The following KCNIP4 variants were observed in gnomAD, a reference collection of about 807,000 sequenced individuals.
KCNIP4 encodes the protein potassium voltage-gated channel interacting protein 4.
A neutral mutation model predicts 34.0 loss-of-function variants in KCNIP4; 12 were observed. The ratio of observed to expected loss-of-function variants is 0.35; its 90% CI spans 0.23 to 0.57. The LOEUF is 0.57. KCNIP4 is among the 20% of genes least tolerant of loss of function. KCNIP4 has a pLI of 0.83. For missense variants in KCNIP4, 238 were observed against 311.7 expected (o/e 0.76, Z 1.78); for synonymous variants, 124 against 102.2 (o/e 1.21, Z -1.29).
intron 8 of KCNIP4, chr4:20,731,679 C>T (rs1007676352): frequency 2.0e-6 from 2 of 985,074 alleles, no homozygotes; most frequent in Non-Finnish European, 2.4e-6. Flanking sequence ...ATGAGTGATG[C>T]TAAGTTTTGG....
chr4:20,954,729 T>C (rs1285471223), intron 1 of KCNIP4, among the ~76,000 whole-genome samples: 2 of 152,168 alleles, frequency 1.3e-5, no homozygotes, highest in Non-Finnish European at 2.9e-5. Flanking sequence ...CCCAGGCGCA[T>C]CCTCAAAATC....
At chr4:21,799,818 G>T (rs1329513084) in intron 1 of KCNIP4, among the ~76,000 whole-genome samples, 1 of 152,088 alleles carries the variant, frequency 6.6e-6, no homozygotes, top group African/African-American at 2.4e-5. Flanking sequence ...ACTCCATGGA[G>T]TAAACTTGAC....
At chr4:21,248,433 C>T (rs1383450346) in intron 1 of KCNIP4, among the ~76,000 whole-genome samples, 2 of 152,108 alleles carry the variant, frequency 1.3e-5, no homozygotes, top group East Asian at 1.9e-4. Context: ...AATCTTCGCA[C>T]GGATTTGCTA....
At chr4:21,208,843 C>T (rs1029088734) in intron 1 of KCNIP4, among the ~76,000 whole-genome samples, 1 of 152,096 alleles carries the variant, frequency 6.6e-6, no homozygotes, top group African/African-American at 2.4e-5. Flanking sequence ...ACAATCATGG[C>T]AGAAAGCAAA....
chr4:21,561,383 G>A (rs12642593), intron 1 of KCNIP4, among the ~76,000 whole-genome samples: 31,314 of 151,830 alleles, frequency 0.21, 3,382 homozygotes, highest in East Asian at 0.31. Flanking sequence ...AGGGAGAACC[G>A]ATTAAAGACT....
At chr4:21,925,157 A>T (rs1415029147) in intron 1 of KCNIP4, among the ~76,000 whole-genome samples, 1 of 152,028 alleles carries the variant, frequency 6.6e-6, no homozygotes, top group Non-Finnish European at 1.5e-5. Context: ...ATACGTATAC[A>T]TGTGCCATGT....
chr4:20,843,793 T>C (rs969934030), intron 3 of KCNIP4, among the ~76,000 whole-genome samples: 11 of 152,290 alleles, frequency 7.2e-5, no homozygotes, highest in African/African-American at 2.6e-4. Context: ...AGCATCTAAA[T>C]GCCACAGAAT....
intron 1 of KCNIP4, among the ~76,000 whole-genome samples, chr4:21,014,822 T>C (rs1201168960): frequency 6.6e-6 from 1 of 152,188 alleles, no homozygotes; most frequent in East Asian, 1.9e-4. Flanking sequence ...TTGTTCATAG[T>C]AGCATTATTC....
intron 1 of KCNIP4, among the ~76,000 whole-genome samples, chr4:21,598,022 G>A (rs970567537): frequency 1.5e-4 from 23 of 152,108 alleles, no homozygotes; most frequent in Admixed American, 4.6e-4. Context: ...AAATTATTTC[G>A]GTACGTCTGA....
intron 1 of KCNIP4, among the ~76,000 whole-genome samples, chr4:21,274,559 A>G (rs1578003491): frequency 6.6e-6 from 1 of 152,340 alleles, no homozygotes; most frequent in Middle Eastern, 3.4e-3. Context: ...GAGAAATTCA[A>G]TTACTACGGA....
intron 1 of KCNIP4, among the ~76,000 whole-genome samples, chr4:21,392,572 C>T (rs933543992): frequency 5.3e-5 from 8 of 152,302 alleles, no homozygotes; most frequent in South Asian, 4.1e-4. Flanking sequence ...GCTTCACAAA[C>T]GCTGTTTGTA....
At chr4:21,938,397 C>T (rs190432710) in intron 1 of KCNIP4, among the ~76,000 whole-genome samples, 3 of 152,236 alleles carry the variant, frequency 2.0e-5, no homozygotes, top group Admixed American at 6.5e-5. Context: ...AAATGATGTT[C>T]AGTATATGTT....
chr4:21,687,085 C>T (rs1335927201), intron 1 of KCNIP4, among the ~76,000 whole-genome samples: 4 of 138,880 alleles, frequency 2.9e-5, no homozygotes, highest in East Asian at 2.2e-4. Context: ...AACCAAACAC[C>T]GCATATTCTC....
intron 1 of KCNIP4, among the ~76,000 whole-genome samples, chr4:21,178,815 C>CTTTT (rs10611485): frequency 1.5e-5 from 2 of 136,774 alleles, no homozygotes; most frequent in African/African-American, 5.4e-5. Flanking sequence ...TAACACCAAA[C>CTTTT]TTTTTTTTTT....
At chr4:21,790,384 A>G (rs915606036) in intron 1 of KCNIP4, among the ~76,000 whole-genome samples, 4 of 152,180 alleles carry the variant, frequency 2.6e-5, no homozygotes, top group African/African-American at 9.7e-5. Context: ...CACTCATTGT[A>G]TCTTGTGTTT....
intron 1 of KCNIP4, among the ~76,000 whole-genome samples, chr4:21,317,126 C>T (rs1713847735): frequency 2.0e-5 from 3 of 152,116 alleles, no homozygotes; most frequent in Non-Finnish European, 2.9e-5. Flanking sequence ...GATATAAATG[C>T]TTGCCATTAG....
intron 1 of KCNIP4, among the ~76,000 whole-genome samples, chr4:21,155,298 T>C (rs890511066): frequency 6.6e-6 from 1 of 152,306 alleles, no homozygotes; most frequent in South Asian, 2.1e-4. Context: ...AACTGATAAA[T>C]GGCCTTCGAA....
intron 1 of KCNIP4, among the ~76,000 whole-genome samples, chr4:21,057,436 A>G (rs958876343): frequency 6.6e-6 from 1 of 152,152 alleles, no homozygotes. Context: ...CCTAAAATGT[A>G]GCTGTAATTT....
chr4:21,018,652 C>T (rs78532069), intron 1 of KCNIP4, among the ~76,000 whole-genome samples: 3,976 of 152,188 alleles, frequency 0.026, 76 homozygotes, highest in Non-Finnish European at 0.039. Flanking sequence ...TTCCCTTCCC[C>T]CTCTCCTTCA....
Sources: gnomAD v4.1 joint callset for allele counts (sites outside exome capture counted in the v4.1 genomes callset) on GRCh38, gnomAD v4.1.1 for gene constraint, MANE v1.5 for transcripts, NCBI Gene and HGNC (gene_info 2026-07-23, HGNC 2026-07-21) for gene names.